Variants in AGBL2 observed in about 807,000 individuals in gnomAD.
AGBL2 encodes the protein AGBL carboxypeptidase 2.
Under a neutral mutation model 103.0 loss-of-function variants are expected in AGBL2, and 87 were observed. The observed-to-expected ratio is 0.84, with a 90% CI of 0.71 to 1.01. The LOEUF (loss-of-function observed/expected upper bound fraction) is 1.01. Among genes scored for constraint, AGBL2 ranks in the 50% least tolerant of loss-of-function variants. AGBL2 has a pLI of 0.00. For missense variants in AGBL2, 904 were observed against 1,023.5 expected (o/e 0.88, Z 1.59); for synonymous variants, 335 against 356.7 (o/e 0.94, Z 0.69).
chr11:47,712,014 A>G (rs1261558139), intron 3 of AGBL2, among the ~76,000 whole-genome samples: 1 of 152,216 alleles, frequency 6.6e-6, no homozygotes, highest in Non-Finnish European at 1.5e-5. Flanking sequence ...TCAAGGCTGC[A>G]ATGAGCTGTG....
chr11:47,692,647 T>G (rs1020483532), intron 8 of AGBL2, among the ~76,000 whole-genome samples: 6 of 151,754 alleles, frequency 4.0e-5, no homozygotes, highest in African/African-American at 4.8e-5. Context: ...CTCCTGACCT[T>G]GTGATCTGCC....
intron 7 of AGBL2, 69 bp downstream of exon 7, chr11:47,704,474 C>A: frequency 4.5e-6 from 6 of 1,332,276 alleles, no homozygotes; most frequent in Non-Finnish European, 6.1e-6. Context: ...TAGAGTGAGA[C>A]TTCGTCTCAA....
intron 4 of AGBL2, among the ~76,000 whole-genome samples, chr11:47,707,458 G>C (rs1243005810): frequency 2.6e-5 from 4 of 152,154 alleles, no homozygotes; most frequent in Non-Finnish European, 5.9e-5. Flanking sequence ...ATGGCACCAG[G>C]CCAAGAGAGA....
chr11:47,671,389 G>A (rs545160867), intron 14 of AGBL2, among the ~76,000 whole-genome samples: 9 of 152,094 alleles, frequency 5.9e-5, no homozygotes, highest in African/African-American at 1.9e-4. Context: ...GTGTGGTAGC[G>A]GGTGCCTGTA....
chr11:47,710,232 T>A, intron 4 of AGBL2, 145 bp downstream of exon 4: 1 of 955,762 alleles, frequency 1.0e-6, no homozygotes, highest in Non-Finnish European at 1.6e-6. Flanking sequence ...CAAAGTAGAT[T>A]TAGAGAGAAG....
At position 47,705,894 on chromosome 11, in the gene AGBL2, C is replaced by T. The variant is rs1391696897; in HGVS notation, c.256G>A (p.Val86Met). 2.5e-6 allele frequency: 4 copies of T among 1,613,900 alleles called. No homozygotes were observed. Among genetic ancestry groups the T allele is most frequent in the Non-Finnish European group, 3.4e-6 (4 of 1,179,996 alleles). ...LLWPISLSSA[V>M]HRQIEAINRD... ...TTGATGGCTTCTATCTGTCTGTGCA[C>T]AGCTGAAGATAAACTGATAGGCCCT... Residue 86 changes from valine to methionine, a missense_variant, in exon 5 of 19, where the codon GTG becomes ATG. Val to Met is a conservative substitution (Grantham distance 21, BLOSUM62 1). Transcript: ENST00000525123.
chr11:47,669,977 G>A (rs923508290), intron 14 of AGBL2, among the ~76,000 whole-genome samples: 1 of 152,246 alleles, frequency 6.6e-6, no homozygotes, highest in Non-Finnish European at 1.5e-5. Context: ...ATGCCAAGCA[G>A]TGTGCTAGGC....
intron 4 of AGBL2, among the ~76,000 whole-genome samples, chr11:47,709,896 C>CTTT (rs1024582677): frequency 1.4e-5 from 2 of 145,972 alleles, no homozygotes; most frequent in Admixed American, 6.9e-5. Context: ...GTGTATTACT[C>CTTT]TTTTTTTTTT....
chr11:47,692,404 CTTTT>C (rs11286504), intron 8 of AGBL2, 148 bp from the exon 9 acceptor site: 1,448 of 98,688 alleles, frequency 0.015, no homozygotes, highest in Middle Eastern at 0.053. Flanking sequence ...GACTTTTAAT[CTTTT>C]TTTTTTTTTT....
At chr11:47,677,605 C>T (rs1053645271) in intron 13 of AGBL2, among the ~76,000 whole-genome samples, 12 of 152,002 alleles carry the variant, frequency 7.9e-5, no homozygotes, top group African/African-American at 2.9e-4. Context: ...AGGCATGCCC[C>T]ACCACACTCA....
chr11:47,709,886 G>A (rs935967267), intron 4 of AGBL2, among the ~76,000 whole-genome samples: 1 of 151,174 alleles, frequency 6.6e-6, no homozygotes, highest in African/African-American at 2.4e-5. Context: ...ACGATGCCAG[G>A]TGTATTACTC....
chr11:47,704,482 CA>C (rs571226870), intron 7 of AGBL2, 60 bp downstream of exon 7: 235,456 of 1,033,108 alleles, frequency 0.23, 66 homozygotes, highest in East Asian at 0.25. Context: ...GACTTCGTCT[CA>C]AAAAAAAAAA....
At chr11:47,675,962 T>C (rs892909756) in intron 14 of AGBL2, among the ~76,000 whole-genome samples, 3 of 152,004 alleles carry the variant, frequency 2.0e-5, no homozygotes, top group African/African-American at 4.8e-5. Context: ...GCAGAGATCA[T>C]ACCACTGCAC....
At chr11:47,712,331 G>A (rs941224045) in intron 3 of AGBL2, among the ~76,000 whole-genome samples, 1 of 151,982 alleles carries the variant, frequency 6.6e-6, no homozygotes, top group Admixed American at 6.6e-5. Context: ...TTCTTTGATA[G>A]AAATAAAATT....
rs1171058500 is a variant in AGBL2, at chr11:47,696,010, C to CAAAAAAAAAAAAAAAAAA, written c.694+3418_694+3435dup. Among the ~76,000 whole-genome samples the CAAAAAAAAAAAAAAAAAA allele has an allele frequency of 3.1e-3, 54 of 17,206 alleles. 1 individual carries two copies. The highest frequency in any genetic ancestry group is 3.5e-3 in the Non-Finnish European group (38 of 10,744). 11.3% of individuals were successfully genotyped at this position (17,206 alleles called of 152,430 possible). On this transcript the variant is annotated intron_variant, in intron 8 of 18. Coordinates refer to ENST00000525123, the MANE Select transcript of AGBL2 (RefSeq NM_024783.4). The stretch of plus-strand genomic sequence containing the variant: ...TGAAACTCCGTCTGTACTAAAAATA[C>CAAAAAAAAAAAAAAAAAA]AAAAAAAAAAAAAAAAAAAAAAAAA...
intron 8 of AGBL2, among the ~76,000 whole-genome samples, chr11:47,693,328 ATTTGT>A (rs1223965808): frequency 6.6e-6 from 1 of 152,044 alleles, no homozygotes. Flanking sequence ...TGCCCGGCTC[ATTTGT>A]TTTAAGATTT....
intron 13 of AGBL2, among the ~76,000 whole-genome samples, chr11:47,678,335 A>ATTTTTTTT (rs771416947): frequency 4.4e-5 from 3 of 67,784 alleles, no homozygotes; most frequent in South Asian, 1.2e-3. Flanking sequence ...ATTTTATTTT[A>ATTTTTTTT]TTATTTTATT....
chr11:47,687,807 C>CTTTTTTTTTTTTTTTTTTTTTTTTTTTT (rs369461728), intron 10 of AGBL2, among the ~76,000 whole-genome samples: 2 of 138,532 alleles, frequency 1.4e-5, no homozygotes, highest in Non-Finnish European at 3.1e-5. Flanking sequence ...TTCTTTCTTT[C>CTTTTTTTTTTTTTTTTTTTTTTTTTTTT]TTTTTTTTTT....
intron 11 of AGBL2, 125 bp downstream of exon 11, chr11:47,685,768 G>A: frequency 9.4e-7 from 1 of 1,067,392 alleles, no homozygotes; most frequent in East Asian, 2.4e-5. Context: ...TTGAAGTCTA[G>A]GTTGCTCGGA....
Sources: gnomAD v4.1 joint callset for allele counts (sites outside exome capture counted in the v4.1 genomes callset) on GRCh38, gnomAD v4.1.1 for gene constraint, MANE v1.5 for transcripts, NCBI Gene and HGNC (gene_info 2026-07-23, HGNC 2026-07-21) for gene names.